Variants in SATL1 observed in about 807,000 individuals in gnomAD.
SATL1 encodes spermidine/spermine N(1)-acetyltransferase-like protein 1.
In SATL1, 47 loss-of-function variants were observed where a neutral mutation model predicts 51.8. The ratio of observed to expected loss-of-function variants is 0.91; its 90% CI spans 0.72 to 1.16. SATL1 has a LOEUF of 1.16. SATL1 is among the 50% of genes most tolerant of loss of function. The pLI is 0.00. For missense variants in SATL1, 520 were observed against 526.4 expected (o/e 0.99, Z 0.12); for synonymous variants, 176 against 182.4 (o/e 0.97, Z 0.28).
At chrX:85,194,153 C>A (rs771100890) in intron 2 of SATL1, among the ~76,000 whole-genome samples, 1 of 112,175 alleles carries the variant, frequency 8.9e-6, no homozygotes, top group African/African-American at 3.2e-5. Context: ...ATAAGTGTTG[C>A]TTTTCTCTAC....
At chrX:85,164,164 C>T (rs1041958273) in intron 2 of SATL1, among the ~76,000 whole-genome samples, 1 of 111,774 alleles carries the variant, frequency 8.9e-6, no homozygotes, top group Admixed American at 9.5e-5. Flanking sequence ...AAGTGAGTCT[C>T]AGCAAATACT....
intron 3 of SATL1, among the ~76,000 whole-genome samples, chrX:85,106,477 T>A (rs1425211589): frequency 2.7e-5 from 3 of 112,285 alleles, no homozygotes. Context: ...GAGGATATTA[T>A]TAAAACATTT....
chrX:85,180,187 C>T (rs1927171192), intron 2 of SATL1, among the ~76,000 whole-genome samples: 1 of 111,228 alleles, frequency 9.0e-6, no homozygotes, highest in Non-Finnish European at 1.9e-5. Flanking sequence ...GTTCAAAGCA[C>T]TCTATTAGGT....
intron 6 of SATL1, among the ~76,000 whole-genome samples, chrX:85,093,839 G>T (rs983715718): frequency 2.7e-5 from 3 of 112,021 alleles, no homozygotes; most frequent in Admixed American, 1.9e-4. Context: ...ATTCTAGCCT[G>T]GGTGACAGAA....
At chrX:85,164,119 C>T in intron 2 of SATL1, among the ~76,000 whole-genome samples, 1 of 111,481 alleles carries the variant, frequency 9.0e-6, no homozygotes, top group Admixed American at 9.6e-5. Context: ...TTTTTCCATT[C>T]CCTTACCTTA....
chrX:85,215,869 T>C (rs969535602), intron 2 of SATL1, among the ~76,000 whole-genome samples: 2 of 112,682 alleles, frequency 1.8e-5, no homozygotes, highest in Non-Finnish European at 3.7e-5. Flanking sequence ...TTCTAACTTC[T>C]GCCCATTAGC....
chrX:85,138,245 G>A (rs1425059358), intron 2 of SATL1, among the ~76,000 whole-genome samples: 4 of 111,855 alleles, frequency 3.6e-5, no homozygotes, highest in African/African-American at 1.3e-4. Context: ...GGAGTGTGAG[G>A]TTTTATGTTT....
At chrX:85,103,261 A>G (rs184492367) in intron 4 of SATL1, among the ~76,000 whole-genome samples, 14 of 111,623 alleles carry the variant, frequency 1.3e-4, no homozygotes, top group African/African-American at 4.5e-4. Flanking sequence ...CCAGTATTAT[A>G]GTGAAACCAT....
chrX:85,228,027 G>C (rs915338883), intron 1 of SATL1, among the ~76,000 whole-genome samples: 1 of 110,152 alleles, frequency 9.1e-6, no homozygotes, highest in African/African-American at 3.3e-5. Flanking sequence ...ACAAAATATA[G>C]GTCATGAACA....
intron 2 of SATL1, among the ~76,000 whole-genome samples, chrX:85,186,419 C>T (rs895264996): frequency 4.5e-5 from 5 of 110,506 alleles, no homozygotes; most frequent in African/African-American, 1.6e-4. Flanking sequence ...AGGATTTGAC[C>T]AGCAATTTCA....
chrX:85,100,286 T>C (rs1237055028), intron 4 of SATL1, among the ~76,000 whole-genome samples: 3 of 112,336 alleles, frequency 2.7e-5, no homozygotes, highest in Non-Finnish European at 5.6e-5. Flanking sequence ...CAATTCTATA[T>C]AGAGAAAATT....
intron 2 of SATL1, among the ~76,000 whole-genome samples, chrX:85,111,555 T>C (rs1925259776): frequency 8.9e-6 from 1 of 112,232 alleles, no homozygotes; most frequent in East Asian, 2.8e-4. Context: ...GGCGGCAGTG[T>C]TATCCAGTTT....
At chrX:85,240,247 A>G (rs1484684629) in intron 1 of SATL1, among the ~76,000 whole-genome samples, 2 of 112,074 alleles carry the variant, frequency 1.8e-5, no homozygotes, top group Non-Finnish European at 3.8e-5. Flanking sequence ...ATTAGCTGTC[A>G]GACAATGAGA....
intron 2 of SATL1, among the ~76,000 whole-genome samples, chrX:85,183,356 C>T (rs1225931179): frequency 9.2e-6 from 1 of 108,803 alleles, no homozygotes; most frequent in African/African-American, 3.3e-5. Flanking sequence ...GTTCTCGGTG[C>T]CTTTGTCAAA....
intron 2 of SATL1, among the ~76,000 whole-genome samples, chrX:85,111,461 A>G (rs1359993069): frequency 8.9e-6 from 1 of 112,379 alleles, no homozygotes; most frequent in Non-Finnish European, 1.9e-5. Context: ...TCAAAAATCC[A>G]CTTTAATTGG....
intron 2 of SATL1, among the ~76,000 whole-genome samples, chrX:85,152,353 T>G (rs1293893728): frequency 3.6e-5 from 4 of 111,445 alleles, no homozygotes; most frequent in Non-Finnish European, 5.7e-5. Flanking sequence ...ATAGGAACAC[T>G]TTTACACTGT....
chrX:85,120,182 G>A (rs1602845958), intron 2 of SATL1, among the ~76,000 whole-genome samples: 1 of 111,231 alleles, frequency 9.0e-6, no homozygotes, highest in East Asian at 2.8e-4. Flanking sequence ...CCACAGTATG[G>A]TTGAGGTGAA....
chrX:85,235,051 G>A (rs760105584), intron 1 of SATL1, among the ~76,000 whole-genome samples: 44 of 111,083 alleles, frequency 4.0e-4, no homozygotes, highest in African/African-American at 1.4e-3. Flanking sequence ...AATAGAAACC[G>A]AAAAAGAGCA....
intron 2 of SATL1, among the ~76,000 whole-genome samples, chrX:85,175,078 G>T (rs1434929371): frequency 9.0e-6 from 1 of 111,232 alleles, no homozygotes; most frequent in Non-Finnish European, 1.9e-5. Flanking sequence ...TTGGATCTAT[G>T]CCTTACAGAA....
Sources: allele counts gnomAD v4.1 joint callset (sites outside exome capture counted in the v4.1 genomes callset), GRCh38; gene constraint gnomAD v4.1.1; transcripts MANE v1.5; gene names NCBI Gene and HGNC (gene_info 2026-07-23, HGNC 2026-07-21).